SNTG1: variants seen among roughly 807,000 people sequenced by gnomAD.
The protein encoded by SNTG1 is gamma-1-syntrophin.
A neutral mutation model predicts 74.7 loss-of-function variants in SNTG1; 39 were observed. The ratio of observed to expected loss-of-function variants is 0.52; its 90% CI spans 0.40 to 0.68. The LOEUF is 0.68. Ranked by LOEUF, SNTG1 falls within the 30% of genes least tolerant of loss-of-function variation. The pLI, the probability that SNTG1 is intolerant of heterozygous loss-of-function variation, is 0.00. For missense variants in SNTG1, 685 were observed against 609.5 expected (o/e 1.12, Z -1.30); for synonymous variants, 254 against 217.1 (o/e 1.17, Z -1.49).
At chr8:50,420,635 A>G (rs2093069910) in intron 4 of SNTG1, among the ~76,000 whole-genome samples, 1 of 152,144 alleles carries the variant, frequency 6.6e-6, no homozygotes, top group African/African-American at 2.4e-5. Context: ...TTTCCCCTTA[A>G]GTTTTTTAAA....
intron 2 of SNTG1, among the ~76,000 whole-genome samples, chr8:50,301,200 A>T (rs1465758383): frequency 1.3e-5 from 2 of 152,026 alleles, no homozygotes; most frequent in Non-Finnish European, 2.9e-5. Flanking sequence ...TCAGACTCAC[A>T]TTACACTCAT....
At chr8:50,618,157 A>C (rs2094897639) in intron 13 of SNTG1, among the ~76,000 whole-genome samples, 1 of 152,206 alleles carries the variant, frequency 6.6e-6, no homozygotes, top group Non-Finnish European at 1.5e-5. Flanking sequence ...AAAGCTGCAA[A>C]TTACAAGTAA....
intron 2 of SNTG1, among the ~76,000 whole-genome samples, chr8:50,241,471 C>A (rs2086160248): frequency 6.6e-6 from 1 of 152,102 alleles, no homozygotes; most frequent in Non-Finnish European, 1.5e-5. Flanking sequence ...TAGGCTGCCA[C>A]AGTGACAAAG....
intron 2 of SNTG1, among the ~76,000 whole-genome samples, chr8:50,355,843 A>G (rs1370415000): frequency 6.6e-6 from 1 of 152,162 alleles, no homozygotes; most frequent in Non-Finnish European, 1.5e-5. Flanking sequence ...TCATTGAGAA[A>G]GCTTCTGATT....
chr8:50,451,393 C>CA, intron 8 of SNTG1, among the ~76,000 whole-genome samples: 1 of 152,156 alleles, frequency 6.6e-6, no homozygotes, highest in South Asian at 2.1e-4. Context: ...ACCAGTCCCC[C>CA]ACAGACAGAT....
intron 8 of SNTG1, among the ~76,000 whole-genome samples, chr8:50,500,283 A>C (rs2093940358): frequency 6.9e-6 from 1 of 145,204 alleles, no homozygotes; most frequent in African/African-American, 2.6e-5. Context: ...GAATTCTATT[A>C]TTCTGTCCTC....
chr8:50,576,465 C>A (rs540859123), intron 12 of SNTG1, among the ~76,000 whole-genome samples: 1 of 152,046 alleles, frequency 6.6e-6, no homozygotes, highest in Non-Finnish European at 1.5e-5. Flanking sequence ...TGAGATTCCA[C>A]GCAAATTTTT....
At chr8:50,703,384 G>A (rs941975815) in intron 15 of SNTG1, among the ~76,000 whole-genome samples, 7 of 151,932 alleles carry the variant, frequency 4.6e-5, no homozygotes, top group Admixed American at 3.9e-4. Flanking sequence ...CCTGCATATA[G>A]TCAGGATGAG....
chr8:50,756,360 A>G (rs959437552), intron 18 of SNTG1, among the ~76,000 whole-genome samples: 3 of 151,842 alleles, frequency 2.0e-5, no homozygotes, highest in Admixed American at 6.6e-5. Context: ...GTACTATGTT[A>G]TCTTCTAGGA....
intron 2 of SNTG1, among the ~76,000 whole-genome samples, chr8:50,336,792 G>A (rs1313370629): frequency 6.6e-6 from 1 of 152,150 alleles, no homozygotes; most frequent in Non-Finnish European, 1.5e-5. Context: ...CTAGGCATGA[G>A]TTTTCCAAAA....
rs7821168 is a variant in SNTG1, at chr8:50,501,622, T to G, written c.364-1156T>G. On this transcript the variant is annotated intron_variant, in intron 8 of 18. Coordinates refer to ENST00000642720, the MANE Select transcript of SNTG1 (RefSeq NM_018967.5). ...GGTTATTTTTTTTTATTTTTTTTTT[T>G]TTTTTTTGTATTTTTAGCAGAGACG... Among the ~76,000 whole-genome samples the G allele has an allele frequency of 2.0e-5, 3 of 150,674 alleles. No homozygotes were observed. The East Asian group carries it at 5.9e-4, about 30-fold the overall frequency.
At position 50,704,721 on chromosome 8, in the gene SNTG1, C is replaced by G; in HGVS notation, c.1160C>G (p.Thr387Arg). Residue 387 changes from threonine (T) to arginine (R), a missense_variant, in exon 16 of 19, where the codon ACA becomes AGA. Coordinates refer to ENST00000642720, the MANE Select transcript of SNTG1 (RefSeq NM_018967.5). The stretch of plus-strand genomic sequence containing the variant: ...GCCCAGTGGGAAAGAGCCTTCCAGA[C>G]AGCAACCTTTCTAGAAGTAGAACGG... ...DLAQWERAFQ[T>R]ATFLEVERIQ... 1 of 1,614,106 alleles carries G rather than the reference C, an allele frequency of 6.2e-7. No individual in the cohort carries two copies. The highest frequency in any genetic ancestry group is 8.5e-7 in the Non-Finnish European group (1 of 1,180,022).
intron 1 of SNTG1, among the ~76,000 whole-genome samples, chr8:50,031,722 C>T (rs1745757923): frequency 1.3e-5 from 2 of 151,938 alleles, no homozygotes; most frequent in African/African-American, 2.4e-5. Context: ...TTGGTAAATC[C>T]TTTACATTAA....
At chr8:50,362,354 T>C (rs990750795) in intron 2 of SNTG1, among the ~76,000 whole-genome samples, 5 of 152,156 alleles carry the variant, frequency 3.3e-5, no homozygotes, top group African/African-American at 1.2e-4. Context: ...TTATGTTCAA[T>C]AAACTAACGC....
chr8:50,073,067 T>C (rs906622572), intron 1 of SNTG1, among the ~76,000 whole-genome samples: 1 of 152,160 alleles, frequency 6.6e-6, no homozygotes, highest in African/African-American at 2.4e-5. Context: ...GAGACAACAC[T>C]GAAGCTTGCT....
intron 2 of SNTG1, among the ~76,000 whole-genome samples, chr8:50,306,738 ATT>A (rs200671719): frequency 6.7e-6 from 1 of 149,284 alleles, no homozygotes; most frequent in Non-Finnish European, 1.5e-5. Flanking sequence ...TTTTTGATGG[ATT>A]TTTTTTTCTG....
intron 2 of SNTG1, among the ~76,000 whole-genome samples, chr8:50,360,149 A>G (rs563810481): frequency 1.3e-5 from 2 of 152,190 alleles, no homozygotes; most frequent in South Asian, 4.2e-4. Context: ...CATCATCACT[A>G]CAAATCATTG....
intron 1 of SNTG1, among the ~76,000 whole-genome samples, chr8:50,077,917 AT>A (rs1822041991): frequency 1.3e-5 from 2 of 152,138 alleles, no homozygotes; most frequent in African/African-American, 4.8e-5. Flanking sequence ...TTGAGTTGGT[AT>A]TTTTATGGTG....
intron 1 of SNTG1, among the ~76,000 whole-genome samples, chr8:49,945,422 A>G (rs556153719): frequency 9.1e-4 from 138 of 152,330 alleles, no homozygotes; most frequent in African/African-American, 3.1e-3. Flanking sequence ...GCAGCTCCAA[A>G]TAATTAGAAA....
Sources: gnomAD v4.1 joint callset for allele counts (sites outside exome capture counted in the v4.1 genomes callset) on GRCh38, gnomAD v4.1.1 for gene constraint, MANE v1.5 for transcripts, NCBI Gene and HGNC (gene_info 2026-07-23, HGNC 2026-07-21) for gene names.